ATRNL1: variants seen among roughly 807,000 people sequenced by gnomAD.
The protein encoded by ATRNL1 is attractin like 1, also known as attractin-like protein 1.
Under a neutral mutation model 182.7 loss-of-function variants are expected in ATRNL1, and 95 were observed. The ratio of observed to expected loss-of-function variants is 0.52; its 90% confidence interval spans 0.44 to 0.62. The LOEUF (loss-of-function observed/expected upper bound fraction) is 0.62. Ranked by LOEUF, ATRNL1 falls within the 20% of genes least tolerant of loss-of-function variation. ATRNL1 has a pLI of 0.00. For missense variants in ATRNL1, 1,471 were observed against 1,679.5 expected (o/e 0.88, Z 2.17); for synonymous variants, 576 against 568.3 (o/e 1.01, Z -0.19).
chr10:115,536,195 C>T (rs1851984322), intron 25 of ATRNL1, among the ~76,000 whole-genome samples: 1 of 152,184 alleles, frequency 6.6e-6, no homozygotes, highest in Non-Finnish European at 1.5e-5. Context: ...TTTTGTTTGT[C>T]TGTGCCCTGC....
intron 5 of ATRNL1, among the ~76,000 whole-genome samples, chr10:115,147,663 G>A (rs1297153966): frequency 6.6e-6 from 1 of 151,760 alleles, no homozygotes; most frequent in Non-Finnish European, 1.5e-5. Flanking sequence ...AGAGATAAGG[G>A]GTGTAGTTTC....
intron 19 of ATRNL1, among the ~76,000 whole-genome samples, chr10:115,344,770 T>G (rs1855903528): frequency 6.6e-6 from 1 of 152,200 alleles, no homozygotes; most frequent in Non-Finnish European, 1.5e-5. Flanking sequence ...TCTCAGAGGC[T>G]CACCTAAGAC....
intron 26 of ATRNL1, among the ~76,000 whole-genome samples, chr10:115,604,882 G>C (rs1300502098): frequency 6.6e-6 from 1 of 151,638 alleles, no homozygotes; most frequent in African/African-American, 2.4e-5. Flanking sequence ...ATCTTATTTT[G>C]CTTGATTTTT....
At chr10:115,514,816 A>T (rs1319661543) in intron 24 of ATRNL1, among the ~76,000 whole-genome samples, 1 of 152,108 alleles carries the variant, frequency 6.6e-6, no homozygotes, top group Admixed American at 6.6e-5. Context: ...TATTTTAATA[A>T]TCAATGCTTT....
chr10:115,535,843 G>C (rs1851952755), intron 25 of ATRNL1, among the ~76,000 whole-genome samples: 4 of 152,068 alleles, frequency 2.6e-5, no homozygotes, highest in African/African-American at 9.7e-5. Flanking sequence ...ACCGTCAGCT[G>C]CAGGTCTGTT....
intron 7 of ATRNL1, 141 bp from the exon 8 acceptor site, chr10:115,170,892 ATTAC>A: frequency 2.3e-6 from 1 of 426,140 alleles, no homozygotes; most frequent in Non-Finnish European, 3.9e-6. Context: ...ATGTGTTCTC[ATTAC>A]TTTTTACAAA....
At chr10:115,356,134 T>A (rs528138247) in intron 19 of ATRNL1, among the ~76,000 whole-genome samples, 1 of 152,126 alleles carries the variant, frequency 6.6e-6, no homozygotes, top group Admixed American at 6.6e-5. Context: ...TTCTCTCTTC[T>A]AAGATGAGGA....
intron 27 of ATRNL1, among the ~76,000 whole-genome samples, chr10:115,748,989 A>T (rs530322165): frequency 6.6e-6 from 1 of 152,094 alleles, no homozygotes; most frequent in African/African-American, 2.4e-5. Context: ...ACTAGAGTCT[A>T]TGATGATTTT....
At chr10:115,544,319 G>C (rs951875) in intron 25 of ATRNL1, among the ~76,000 whole-genome samples, 7,435 of 152,218 alleles carry the variant, frequency 0.049, 545 homozygotes, top group African/African-American at 0.17. Context: ...CCAGTGGAAG[G>C]TGTAGTAGGC....
intron 25 of ATRNL1, among the ~76,000 whole-genome samples, chr10:115,532,458 T>A (rs1851654899): frequency 6.6e-6 from 1 of 152,186 alleles, no homozygotes; most frequent in African/African-American, 2.4e-5. Context: ...ATGCTTGTGA[T>A]TTTTGTACAT....
intron 19 of ATRNL1, among the ~76,000 whole-genome samples, chr10:115,347,987 T>G (rs1450269380): frequency 2.6e-5 from 4 of 152,190 alleles, no homozygotes; most frequent in Admixed American, 2.0e-4. Flanking sequence ...TTAATTTTAT[T>G]TTTTGAGATG....
chr10:115,160,891 A>G (rs966362888), intron 6 of ATRNL1, among the ~76,000 whole-genome samples: 1 of 151,964 alleles, frequency 6.6e-6, no homozygotes. Flanking sequence ...TTGGGCATCA[A>G]ACAATCAGAA....
At chr10:115,586,708 C>T (rs1296452971) in intron 26 of ATRNL1, among the ~76,000 whole-genome samples, 2 of 120,266 alleles carry the variant, frequency 1.7e-5, no homozygotes, top group African/African-American at 2.7e-5. Context: ...AATGTCCTCC[C>T]ATATCTCAGA....
intron 27 of ATRNL1, among the ~76,000 whole-genome samples, chr10:115,798,183 C>T (rs1949704031): frequency 1.3e-5 from 2 of 152,174 alleles, no homozygotes; most frequent in African/African-American, 2.4e-5. Flanking sequence ...TCCCCAAGTG[C>T]TGGGATTACA....
At chr10:115,698,607 G>A (rs1296830740) in intron 26 of ATRNL1, among the ~76,000 whole-genome samples, 3 of 151,952 alleles carry the variant, frequency 2.0e-5, no homozygotes, top group African/African-American at 4.8e-5. Context: ...GTAAAACCCC[G>A]TCTCTACTAA....
intron 5 of ATRNL1, among the ~76,000 whole-genome samples, chr10:115,132,087 C>A (rs1271231251): frequency 2.0e-5 from 3 of 150,086 alleles, no homozygotes; most frequent in African/African-American, 4.9e-5. Flanking sequence ...CCCCTCCCCA[C>A]ACCCCACAAC....
chr10:115,396,001 A>G (rs1844270784), intron 20 of ATRNL1, among the ~76,000 whole-genome samples: 1 of 151,824 alleles, frequency 6.6e-6, no homozygotes, highest in South Asian at 2.1e-4. Context: ...AACTATAAAT[A>G]TATAAAAATT....
intron 5 of ATRNL1, among the ~76,000 whole-genome samples, chr10:115,134,708 C>A (rs1380536615): frequency 6.6e-6 from 1 of 152,104 alleles, no homozygotes; most frequent in African/African-American, 2.4e-5. Context: ...ATCCTGATAC[C>A]AAAGCCTGGC....
At chr10:115,600,093 G>GT (rs1284609840) in intron 26 of ATRNL1, among the ~76,000 whole-genome samples, 3 of 151,956 alleles carry the variant, frequency 2.0e-5, no homozygotes, top group Admixed American at 6.6e-5. Flanking sequence ...ATGTGTGTGT[G>GT]TTTTTTTCCT....
Sources: allele counts gnomAD v4.1 joint callset (sites outside exome capture counted in the v4.1 genomes callset), GRCh38; gene constraint gnomAD v4.1.1; transcripts MANE v1.5; gene names NCBI Gene and HGNC (gene_info 2026-07-23, HGNC 2026-07-21).